Variants in OPCML observed in about 807,000 individuals in gnomAD.
OPCML encodes opioid-binding protein/cell adhesion molecule.
In OPCML, 13 loss-of-function variants were observed where a neutral mutation model predicts 37.8. That is an observed-to-expected ratio of 0.34 (90% CI 0.22 to 0.55). The LOEUF (loss-of-function observed/expected upper bound fraction) is 0.55. Among genes scored for constraint, OPCML ranks in the 20% least tolerant of loss-of-function variants. OPCML has a pLI of 0.91. For synonymous variants in OPCML, 176 were observed against 168.8 expected, an observed-to-expected ratio of 1.04 and a Z score of -0.33; for missense variants, 341 against 435.6, an observed-to-expected ratio of 0.78 and a Z score of 1.93.
In OPCML at chr11:133,033,994, C is replaced by A. The variant is rs79511091; in HGVS notation, c.62-90984G>T. 5.1e-3 allele frequency among the ~76,000 whole-genome samples: 774 copies of A among 152,282 alleles called. 5 individuals are homozygous for A. The highest frequency in any genetic ancestry group is 0.017 in the African/African-American group (724 of 41,560). On this transcript the variant is annotated intron_variant, in intron 1 of 7. Transcript: ENST00000524381. ...CCAAAAACAGTAATCTTAACTGACA[C>A]CCTTTATTACTTCCTTGATGCAAAA...
intron 1 of OPCML, among the ~76,000 whole-genome samples, chr11:133,460,204 T>G (rs1049091311): frequency 6.6e-6 from 1 of 151,776 alleles, no homozygotes; most frequent in Admixed American, 6.6e-5. Context: ...CCAAAACTTA[T>G]GAGATGTAGG....
chr11:133,140,240 G>T (rs868157087), intron 1 of OPCML, among the ~76,000 whole-genome samples: 3 of 146,730 alleles, frequency 2.0e-5, no homozygotes, highest in African/African-American at 5.0e-5. Flanking sequence ...GGCTGGACGC[G>T]GTGGCTTACG....
intron 2 of OPCML, among the ~76,000 whole-genome samples, chr11:132,715,985 T>C (rs1239924208): frequency 1.3e-5 from 2 of 152,164 alleles, no homozygotes; most frequent in Non-Finnish European, 2.9e-5. Flanking sequence ...TTATGTTTCT[T>C]AGAAAAAAAA....
At chr11:133,382,998 A>T (rs1944964554) in intron 1 of OPCML, among the ~76,000 whole-genome samples, 1 of 151,994 alleles carries the variant, frequency 6.6e-6, no homozygotes, top group African/African-American at 2.4e-5. Context: ...TCTTAATACA[A>T]CTCAGCCAAA....
rs891602320 is a variant in OPCML, at chr11:132,677,360, A to G, written c.147-20041T>C. Among the ~76,000 whole-genome samples the G allele has an allele frequency of 5.3e-5, 8 of 152,260 alleles. No homozygotes were observed. The South Asian group carries it at 1.5e-3, about 28-fold the overall frequency. On this transcript the variant is annotated intron_variant, in intron 2 of 7. Coordinates refer to ENST00000524381, the MANE Select transcript of OPCML (RefSeq NM_001012393.5). ...TAGATTCAATGGAATTCCAATTAAA[A>G]TCCCTGAAAGCTATGAAAGTTATTT...
At chr11:133,041,559 T>C (rs141386465) in intron 1 of OPCML, among the ~76,000 whole-genome samples, 77 of 152,232 alleles carry the variant, frequency 5.1e-4, no homozygotes, top group African/African-American at 1.8e-3. Flanking sequence ...TATCTTCGAG[T>C]ATCCTAGCCT....
chr11:132,567,444 G>A (rs1004172145), intron 3 of OPCML, among the ~76,000 whole-genome samples: 2 of 152,232 alleles, frequency 1.3e-5, no homozygotes, highest in African/African-American at 2.4e-5. Flanking sequence ...CAGGGGATCC[G>A]GGAGAGAGGT....
intron 1 of OPCML, among the ~76,000 whole-genome samples, chr11:133,391,516 C>CAA (rs1407262441): frequency 1.3e-5 from 2 of 152,208 alleles, no homozygotes; most frequent in Non-Finnish European, 2.9e-5. Flanking sequence ...TTCCAACCAT[C>CAA]CTTTAGCTGC....
chr11:132,743,389 C>T (rs1945503457), intron 2 of OPCML, among the ~76,000 whole-genome samples: 1 of 152,034 alleles, frequency 6.6e-6, no homozygotes, highest in Non-Finnish European at 1.5e-5. Context: ...CATCCCATCC[C>T]CAATGTCAAT....
chr11:133,492,330 C>T (rs1019093856), intron 1 of OPCML, among the ~76,000 whole-genome samples: 21 of 152,254 alleles, frequency 1.4e-4, no homozygotes, highest in African/African-American at 4.6e-4. Flanking sequence ...CATATGGATG[C>T]TTTTGGCCTT....
chr11:132,820,460 T>C (rs1188551328), intron 2 of OPCML, among the ~76,000 whole-genome samples: 3 of 152,190 alleles, frequency 2.0e-5, no homozygotes, highest in Non-Finnish European at 2.9e-5. Context: ...TAAGGACTTA[T>C]ATATTTATGT....
chr11:133,464,989 C>G (rs1946943899), intron 1 of OPCML, among the ~76,000 whole-genome samples: 1 of 152,138 alleles, frequency 6.6e-6, no homozygotes, highest in Non-Finnish European at 1.5e-5. Context: ...GGCTGGGACA[C>G]TAGAGTGAGC....
intron 1 of OPCML, among the ~76,000 whole-genome samples, chr11:133,359,490 T>C (rs982847793): frequency 1.3e-5 from 2 of 152,210 alleles, no homozygotes; most frequent in Non-Finnish European, 2.9e-5. Flanking sequence ...TGTCAGGTAC[T>C]CCGCAGAGCA....
chr11:133,097,698 C>A (rs1026013117), intron 1 of OPCML, among the ~76,000 whole-genome samples: 4 of 152,100 alleles, frequency 2.6e-5, no homozygotes, highest in African/African-American at 9.7e-5. Context: ...TCACTACCAA[C>A]CCATGGACAT....
intron 3 of OPCML, among the ~76,000 whole-genome samples, chr11:132,599,469 G>A (rs1937698425): frequency 6.6e-6 from 1 of 151,638 alleles, no homozygotes; most frequent in South Asian, 2.1e-4. Context: ...GGAGGAGGAG[G>A]AGGAGAAGAG....
At chr11:132,421,897 C>T (rs1204658583) in intron 7 of OPCML, among the ~76,000 whole-genome samples, 5 of 151,962 alleles carry the variant, frequency 3.3e-5, no homozygotes, top group Admixed American at 2.6e-4. Flanking sequence ...AGGTAATTCT[C>T]TACATATTGT....
At chr11:132,722,874 G>T (rs1450431712) in intron 2 of OPCML, among the ~76,000 whole-genome samples, 1 of 152,122 alleles carries the variant, frequency 6.6e-6, no homozygotes, top group African/African-American at 2.4e-5. Flanking sequence ...CACTTTATAT[G>T]CTTTATCTTT....
At chr11:132,876,955 G>C (rs1343422133) in intron 2 of OPCML, among the ~76,000 whole-genome samples, 1 of 152,160 alleles carries the variant, frequency 6.6e-6, no homozygotes, top group Non-Finnish European at 1.5e-5. Context: ...TTTTCTCCAG[G>C]GAGTAATTTT....
chr11:133,312,161 T>C (rs932130790), intron 1 of OPCML, among the ~76,000 whole-genome samples: 1 of 152,226 alleles, frequency 6.6e-6, no homozygotes, highest in African/African-American at 2.4e-5. Flanking sequence ...TCTGTAGAGA[T>C]TGAGAATTCA....
Sources: gnomAD v4.1 joint callset for allele counts (sites outside exome capture counted in the v4.1 genomes callset) on GRCh38, gnomAD v4.1.1 for gene constraint, MANE v1.5 for transcripts, NCBI Gene and HGNC (gene_info 2026-07-23, HGNC 2026-07-21) for gene names.